The following MPPED2 variants were observed in gnomAD, a reference collection of about 807,000 sequenced individuals.
MPPED2 encodes metallophosphoesterase MPPED2.
MPPED2 carries 5 observed loss-of-function variants against 33.0 expected under a neutral mutation model. The ratio of observed to expected loss-of-function variants is 0.15; its 90% CI spans 0.08 to 0.32. The LOEUF (loss-of-function observed/expected upper bound fraction) is 0.32, where lower values mean the gene tolerates loss of function less well. Among genes scored for constraint, MPPED2 ranks in the 10% least tolerant of loss-of-function variants. The pLI, the probability that MPPED2 is intolerant of heterozygous loss-of-function variation, is 1.00. For synonymous variants in MPPED2, 136 were observed against 141.9 expected, an observed-to-expected ratio of 0.96 and a Z score of 0.29; for missense variants, 275 against 372.1, an observed-to-expected ratio of 0.74 and a Z score of 2.15.
chr11:30,523,792 C>G (rs959955851), intron 3 of MPPED2, among the ~76,000 whole-genome samples: 1 of 151,388 alleles, frequency 6.6e-6, no homozygotes, highest in Non-Finnish European at 1.5e-5. Flanking sequence ...TAGCATTCAG[C>G]GGAGGAAAAC....
At chr11:30,422,146 T>A (rs1049068743) in intron 4 of MPPED2, among the ~76,000 whole-genome samples, 4 of 152,192 alleles carry the variant, frequency 2.6e-5, no homozygotes, top group Non-Finnish European at 5.9e-5. Flanking sequence ...GAGAGTGGAC[T>A]CAATTACTGG....
rs181115324 is a variant in MPPED2 at position 30,453,248 on chromosome 11, C to T, written c.537-35615G>A. 1.6e-4 allele frequency among the ~76,000 whole-genome samples: 24 copies of T among 152,232 alleles called. No homozygotes were observed. The East Asian group carries it at 3.7e-3, about 23-fold the overall frequency. On this transcript the variant is annotated intron_variant, in intron 4 of 6. Coordinates refer to ENST00000358117, the MANE Select transcript of MPPED2 (RefSeq NM_001584.3). ...TGTTATGTCAAATTGAAGACTCAGT[C>T]GAAGAAGACTCCACACCTCTAAAGC... is the stretch of plus-strand genomic sequence containing the variant.
chr11:30,427,536 A>T (rs756274230), intron 4 of MPPED2, among the ~76,000 whole-genome samples: 1 of 152,242 alleles, frequency 6.6e-6, no homozygotes, highest in South Asian at 2.1e-4. Flanking sequence ...TGGAAACTCA[A>T]TGAGTCTGGC....
intron 4 of MPPED2, among the ~76,000 whole-genome samples, chr11:30,434,563 A>G (rs1949235615): frequency 6.6e-6 from 1 of 152,250 alleles, no homozygotes; most frequent in Non-Finnish European, 1.5e-5. Context: ...CAATTTTCAT[A>G]TTAATACAAG....
intron 2 of MPPED2, among the ~76,000 whole-genome samples, chr11:30,548,218 C>CTTTTTT (rs5790821): frequency 2.7e-5 from 4 of 150,002 alleles, no homozygotes; most frequent in Non-Finnish European, 3.0e-5. Flanking sequence ...AAGTAACTAT[C>CTTTTTT]TTTTTTTTTT....
intron 2 of MPPED2, among the ~76,000 whole-genome samples, chr11:30,576,535 T>C (rs906092734): frequency 6.6e-6 from 1 of 152,152 alleles, no homozygotes; most frequent in African/African-American, 2.4e-5. Flanking sequence ...AAAACTGAAA[T>C]GGCTGGATAC....
intron 2 of MPPED2, among the ~76,000 whole-genome samples, chr11:30,540,395 T>G (rs1955032531): frequency 6.6e-6 from 1 of 152,182 alleles, no homozygotes; most frequent in South Asian, 2.1e-4. Context: ...CTTGGTTCCC[T>G]CATCAGTAAA....
chr11:30,511,636 C>T (rs1953200704), intron 3 of MPPED2, among the ~76,000 whole-genome samples: 2 of 152,182 alleles, frequency 1.3e-5, no homozygotes, highest in South Asian at 2.1e-4. Context: ...CGTGCACACA[C>T]ACACACACCC....
intron 4 of MPPED2, among the ~76,000 whole-genome samples, chr11:30,424,143 A>G (rs949133057): frequency 6.6e-6 from 1 of 152,222 alleles, no homozygotes; most frequent in African/African-American, 2.4e-5. Flanking sequence ...TTAGCCAGCT[A>G]GTACAGGTGG....
rs570245935 is a variant in MPPED2, at chr11:30,456,215, A to G, written c.537-38582T>C. On this transcript the variant is annotated intron_variant, in intron 4 of 6. Coordinates refer to ENST00000358117, the MANE Select transcript of MPPED2 (RefSeq NM_001584.3). ...GGAAAATTCAACTGGAGAAGAGACG[A>G]TTAAGGAAAATGCCAAGTTCCCTTT... Among the ~76,000 whole-genome samples the G allele has an allele frequency of 3.3e-5, 5 of 152,364 alleles. No individual in the cohort carries two copies. The South Asian group carries it at 6.2e-4, about 19-fold the overall frequency.
At chr11:30,574,432 T>G (rs1198473495) in intron 2 of MPPED2, among the ~76,000 whole-genome samples, 1 of 152,210 alleles carries the variant, frequency 6.6e-6, no homozygotes, top group Non-Finnish European at 1.5e-5. Context: ...GTAAATATAC[T>G]CTATGATGTT....
chr11:30,582,028 A>C (rs996036195), intron 1 of MPPED2, among the ~76,000 whole-genome samples: 1 of 152,234 alleles, frequency 6.6e-6, no homozygotes, highest in African/African-American at 2.4e-5. Flanking sequence ...TAAGATATCT[A>C]TAAGAACTGC....
At chr11:30,574,623 C>T (rs1051402861) in intron 2 of MPPED2, among the ~76,000 whole-genome samples, 2 of 152,096 alleles carry the variant, frequency 1.3e-5, no homozygotes, top group African/African-American at 4.8e-5. Flanking sequence ...AGCCTTTGGC[C>T]TATTCCTTGA....
chr11:30,402,490 T>A (rs779810214), intron 6 of MPPED2, among the ~76,000 whole-genome samples: 32 of 152,108 alleles, frequency 2.1e-4, no homozygotes, highest in Admixed American at 5.2e-4. Flanking sequence ...CTAGCAGACC[T>A]CACATTAATA....
chr11:30,541,932 G>A (rs576280524), intron 2 of MPPED2, among the ~76,000 whole-genome samples: 4 of 152,254 alleles, frequency 2.6e-5, no homozygotes, highest in South Asian at 4.1e-4. Context: ...GTGATATCAA[G>A]GCTTTCCTTT....
intron 3 of MPPED2, among the ~76,000 whole-genome samples, chr11:30,522,659 C>T (rs918029616): frequency 1.3e-5 from 2 of 152,200 alleles, no homozygotes; most frequent in African/African-American, 2.4e-5. Context: ...CTCCACTCCA[C>T]TTTCACCTCT....
At chr11:30,388,797 C>T in exon 7 of MPPED2, 1 of 1,387,986 alleles carries the variant, frequency 7.2e-7, no homozygotes. Context: ...CTGTGTGCCT[C>T]TCTAGTTCTT....
At chr11:30,496,451 A>C (rs1952258482) in intron 3 of MPPED2, among the ~76,000 whole-genome samples, 1 of 152,136 alleles carries the variant, frequency 6.6e-6, no homozygotes, top group East Asian at 1.9e-4. Flanking sequence ...CCATCCCTCA[A>C]GCCTCACTGT....
At chr11:30,391,985 T>C (rs1004828134) in intron 6 of MPPED2, among the ~76,000 whole-genome samples, 12 of 152,216 alleles carry the variant, frequency 7.9e-5, no homozygotes, top group Non-Finnish European at 1.0e-4. Context: ...TTTCCTCATC[T>C]GCAATGGTAC....
Sources: allele counts gnomAD v4.1 joint callset (sites outside exome capture counted in the v4.1 genomes callset), GRCh38; gene constraint gnomAD v4.1.1; transcripts MANE v1.5; gene names NCBI Gene and HGNC (gene_info 2026-07-23, HGNC 2026-07-21).